The following TEX14 variants were observed in gnomAD, a reference collection of about 807,000 sequenced individuals.
The protein encoded by TEX14 is testis expressed 14, intercellular bridge forming factor.
In TEX14, 168 loss-of-function variants were observed where a neutral mutation model predicts 178.6. The ratio of observed to expected loss-of-function variants is 0.94; its 90% confidence interval spans 0.83 to 1.07. The LOEUF is 1.07. TEX14 is among the 50% of genes least tolerant of loss of function. The probability of loss-of-function intolerance (pLI) is 0.00; values close to 1 mark genes in which losing one functional copy is unlikely to be tolerated. For missense variants in TEX14, 1,730 were observed against 1,753.6 expected (o/e 0.99, Z 0.24); for synonymous variants, 626 against 634.1 (o/e 0.99, Z 0.19).
intron 2 of TEX14, among the ~76,000 whole-genome samples, chr17:58,640,170 G>A (rs887878939): frequency 1.3e-5 from 2 of 151,964 alleles, no homozygotes; most frequent in Non-Finnish European, 2.9e-5. Flanking sequence ...AATTAGCCAG[G>A]TGTGATGGCA....
chr17:58,641,264 G>T (rs2046567739), intron 2 of TEX14, among the ~76,000 whole-genome samples: 1 of 151,882 alleles, frequency 6.6e-6, no homozygotes, highest in Non-Finnish European at 1.5e-5. Flanking sequence ...TACAAAATTA[G>T]CTGGGCGTGG....
intron 1 of TEX14, among the ~76,000 whole-genome samples, chr17:58,671,578 C>A (rs1206969606): frequency 6.6e-6 from 1 of 152,120 alleles, no homozygotes; most frequent in Non-Finnish European, 1.5e-5. Context: ...GCTTTGTCTC[C>A]TGCCTGTGGT....
chr17:58,598,794 A>T, intron 14 of TEX14, 82 bp downstream of exon 14: 1 of 1,309,814 alleles, frequency 7.6e-7, no homozygotes, highest in Non-Finnish European at 1.1e-6. Context: ...TTTACTTTGG[A>T]GACTTGGGTG....
At chr17:58,653,466 T>A (rs1169205342) in intron 1 of TEX14, among the ~76,000 whole-genome samples, 1 of 152,112 alleles carries the variant, frequency 6.6e-6, no homozygotes, top group Non-Finnish European at 1.5e-5. Flanking sequence ...AAAAACTCGA[T>A]CCCCAATATG....
intron 1 of TEX14, among the ~76,000 whole-genome samples, chr17:58,652,663 AG>A (rs1321275653): frequency 4.6e-5 from 7 of 152,210 alleles, no homozygotes; most frequent in African/African-American, 1.7e-4. Context: ...GGACTGAAAA[AG>A]TGAGGACTTC....
chr17:58,635,771 G>A (rs1032168979), intron 2 of TEX14, among the ~76,000 whole-genome samples: 4 of 151,490 alleles, frequency 2.6e-5, no homozygotes, highest in East Asian at 1.9e-4. Flanking sequence ...AGTCTCTGTC[G>A]CCTAGGCTGG....
chr17:58,624,443 T>C (rs935015886), intron 3 of TEX14, among the ~76,000 whole-genome samples: 2 of 149,526 alleles, frequency 1.3e-5, no homozygotes, highest in Non-Finnish European at 3.0e-5. Context: ...TAGGCTCAAG[T>C]GGTTCTTCTG....
At chr17:58,613,848 G>A (rs2045807644) in intron 8 of TEX14, among the ~76,000 whole-genome samples, 1 of 152,106 alleles carries the variant, frequency 6.6e-6, no homozygotes, top group African/African-American at 2.4e-5. Flanking sequence ...TGTATTTCTA[G>A]TAGAGATGGG....
At chr17:58,588,136 G>T (rs1007751199) in intron 15 of TEX14, 115 bp from the exon 16 acceptor site, 1 of 621,810 alleles carries the variant, frequency 1.6e-6, no homozygotes, top group African/African-American at 1.8e-5. Context: ...GAAGAAACCC[G>T]CAGTTGAAGC....
At chr17:58,557,071 CA>C (rs751833051) in intron 31 of TEX14, 24 bp from the exon 32 acceptor site, 13 of 1,609,522 alleles carry the variant, frequency 8.1e-6, no homozygotes, top group Admixed American at 3.3e-5. Flanking sequence ...TTTTAAAGAA[CA>C]AAAAAGGAAG....
rs771905692 is a variant in TEX14 at position 58,561,575 on chromosome 17, GCCATCTTT to G, written c.4094_4101del (p.Glu1365AlafsTer5). 6.2e-7 allele frequency: 1 copy of G among 1,614,038 alleles called. No homozygotes were observed. The highest frequency in any genetic ancestry group is 8.5e-7 in the Non-Finnish European group (1 of 1,179,882). On this transcript the variant is annotated frameshift_variant, in exon 29 of 32. Transcript: ENST00000349033. LOFTEE classifies it high-confidence loss of function. Reference sequence around the variant, plus strand: ...TCCACGCTCTCCTCAGGTGGCTGCAGCCATCTTTCCAGGTCCTCATCCAGAGTAGAGTG... The same window carrying G: ...TCCACGCTCTCCTCAGGTGGCTGCAGCCAGGTCCTCATCCAGAGTAGAGTG...
At chr17:58,605,673 C>T (rs1389617964) in intron 10 of TEX14, among the ~76,000 whole-genome samples, 6 of 152,240 alleles carry the variant, frequency 3.9e-5, no homozygotes, top group African/African-American at 1.4e-4. Flanking sequence ...AGTCTTTGCA[C>T]TGGCAGCTTC....
At chr17:58,587,469 T>G (rs761894711) in intron 17 of TEX14, 112 bp downstream of exon 17, 8 of 623,920 alleles carry the variant, frequency 1.3e-5, no homozygotes, top group Admixed American at 3.7e-5. Context: ...CAGAAGGACA[T>G]TGCTATGGTT....
intron 1 of TEX14, among the ~76,000 whole-genome samples, chr17:58,688,462 T>G (rs2047638189): frequency 6.6e-6 from 1 of 152,236 alleles, no homozygotes; most frequent in Non-Finnish European, 1.5e-5. Flanking sequence ...ATTAGCATTC[T>G]GCTGAGCTAG....
intron 21 of TEX14, among the ~76,000 whole-genome samples, chr17:58,576,855 T>G (rs983210427): frequency 1.3e-5 from 2 of 152,242 alleles, no homozygotes; most frequent in African/African-American, 4.8e-5. Flanking sequence ...TATCAATAGT[T>G]TATTTCTTTT....
At chr17:58,581,165 G>A (rs2044805277) in intron 19 of TEX14, among the ~76,000 whole-genome samples, 1 of 151,980 alleles carries the variant, frequency 6.6e-6, no homozygotes, top group South Asian at 2.1e-4. Context: ...ACAAAAATTA[G>A]CTGGGTGTGA....
At chr17:58,674,595 G>A (rs1468539360) in intron 1 of TEX14, among the ~76,000 whole-genome samples, 3 of 151,804 alleles carry the variant, frequency 2.0e-5, no homozygotes, top group Non-Finnish European at 4.4e-5. Flanking sequence ...GCTTGAACCT[G>A]GGAGGCGGAG....
intron 19 of TEX14, among the ~76,000 whole-genome samples, chr17:58,580,532 G>C (rs1048323098): frequency 1.3e-5 from 2 of 152,070 alleles, no homozygotes; most frequent in African/African-American, 4.8e-5. Context: ...GGCTGGTCTT[G>C]AACTTCTGAC....
At chr17:58,600,008 T>G (rs1015378255) in intron 13 of TEX14, among the ~76,000 whole-genome samples, 14 of 152,294 alleles carry the variant, frequency 9.2e-5, no homozygotes, top group Middle Eastern at 3.4e-3. Context: ...TGTTTTCTTT[T>G]GTTTTATAGA....
Sources: gnomAD v4.1 joint callset for allele counts (sites outside exome capture counted in the v4.1 genomes callset) on GRCh38, gnomAD v4.1.1 for gene constraint, MANE v1.5 for transcripts, NCBI Gene and HGNC (gene_info 2026-07-23, HGNC 2026-07-21) for gene names.